Variants in JAM2 observed in about 807,000 individuals in gnomAD.
JAM2 encodes junctional adhesion molecule 2, also known as junctional adhesion molecule B.
In JAM2, 17 loss-of-function variants were observed where a neutral mutation model predicts 42.0. The observed-to-expected ratio is 0.40, with a 90% CI of 0.28 to 0.61. The LOEUF (loss-of-function observed/expected upper bound fraction) is 0.61. JAM2 is among the 20% of genes least tolerant of loss of function. The pLI, the probability that JAM2 is intolerant of heterozygous loss-of-function variation, is 0.37. For missense variants in JAM2, 319 were observed against 358.3 expected, an observed-to-expected ratio of 0.89 and a Z score of 0.89; for synonymous variants, 118 against 128.6, an observed-to-expected ratio of 0.92 and a Z score of 0.56.
intron 3 of JAM2, among the ~76,000 whole-genome samples, chr21:25,691,422 C>T (rs1341487211): frequency 1.3e-5 from 2 of 152,160 alleles, no homozygotes; most frequent in African/African-American, 4.8e-5. Flanking sequence ...TGAGATCTGG[C>T]CATGTTCCAA....
intron 1 of JAM2, among the ~76,000 whole-genome samples, chr21:25,643,247 G>C (rs560562253): frequency 6.6e-6 from 1 of 152,282 alleles, no homozygotes; most frequent in African/African-American, 2.4e-5. Flanking sequence ...TTTCTCTGAG[G>C]CATCATTTAA....
intron 1 of JAM2, among the ~76,000 whole-genome samples, chr21:25,681,720 C>T (rs904265586): frequency 1.1e-4 from 16 of 152,130 alleles, no homozygotes; most frequent in South Asian, 4.1e-4. Flanking sequence ...CAGTGGCTCA[C>T]GCCTGTAATC....
At chr21:25,709,406 T>G in intron 7 of JAM2, 28 bp from the exon 8 acceptor site, 1 of 1,242,358 alleles carries the variant, frequency 8.0e-7, no homozygotes, top group Non-Finnish European at 1.2e-6. Flanking sequence ...AACCCTTGCA[T>G]TAATGATATA....
chr21:25,697,738 C>G (rs577193630), intron 4 of JAM2, among the ~76,000 whole-genome samples: 1 of 151,896 alleles, frequency 6.6e-6, no homozygotes, highest in Non-Finnish European at 1.5e-5. Flanking sequence ...CCTGTCTATA[C>G]AAAAACAGTT....
chr21:25,714,747 T>A lies in JAM2; in HGVS notation c.*75T>A. On this transcript the variant is annotated 3_prime_UTR_variant, in exon 10 of 10. Transcript: ENST00000480456. The stretch of plus-strand genomic sequence containing the variant: ...TAAACTATTATAAAACTCTGCTTTG[T>A]CCGACATTTGCAAAGAGGTACACGA... 1.0e-6 allele frequency: 1 copy of A among 1,004,596 alleles called. No homozygotes were observed. Among genetic ancestry groups the A allele is most frequent in the Non-Finnish European group, 1.4e-6 (1 of 701,396 alleles). 62.2% of individuals were successfully genotyped at this position (1,004,596 alleles called of 1,614,324 possible).
At chr21:25,684,647 C>T (rs1203168582) in intron 2 of JAM2, among the ~76,000 whole-genome samples, 1 of 152,164 alleles carries the variant, frequency 6.6e-6, no homozygotes, top group Non-Finnish European at 1.5e-5. Context: ...CTGTCACCCA[C>T]ACTGGAGTGC....
intron 6 of JAM2, among the ~76,000 whole-genome samples, chr21:25,703,574 A>C (rs940786745): frequency 1.3e-5 from 2 of 152,186 alleles, no homozygotes; most frequent in African/African-American, 4.8e-5. Context: ...ACATGTAACC[A>C]AAATTAGAAT....
chr21:25,683,346 TA>T (rs1217634263), intron 1 of JAM2, among the ~76,000 whole-genome samples: 1 of 152,000 alleles, frequency 6.6e-6, no homozygotes, highest in African/African-American at 2.4e-5. Flanking sequence ...GGGAAAAAAA[TA>T]AAGATGTTCT....
rs779475127 is a variant in JAM2, at chr21:25,698,688, G to C, written c.406G>C (p.Val136Leu). The change falls in exon 5 of 10, where the codon GTT (valine) becomes CTT (leucine). Residue 136 changes from valine (V) to leucine (L), a missense_variant. By Grantham distance (32) the Val-to-Leu change is conservative. Coordinates refer to ENST00000480456, the MANE Select transcript of JAM2 (RefSeq NM_021219.4). The stretch of plus-strand genomic sequence containing the variant: ...CTTCCATTGTTCAGTGGCTCCAGCA[G>C]TTCCATCATGTGAAGTACCCTCTTC... ...VTLEVLVAPA[V>L]PSCEVPSSAL... 1 of 1,613,846 alleles carries C rather than the reference G, an allele frequency of 6.2e-7. No individual in the cohort carries two copies. Among genetic ancestry groups the C allele is most frequent in the Non-Finnish European group, 8.5e-7 (1 of 1,179,786 alleles).
At chr21:25,699,408 A>T (rs994189117) in intron 5 of JAM2, among the ~76,000 whole-genome samples, 1 of 152,190 alleles carries the variant, frequency 6.6e-6, no homozygotes, top group Non-Finnish European at 1.5e-5. Context: ...ACTACTGAGT[A>T]CTACCATGTG....
intron 2 of JAM2, among the ~76,000 whole-genome samples, chr21:25,686,785 C>T (rs2033761126): frequency 6.6e-6 from 1 of 152,064 alleles, no homozygotes; most frequent in South Asian, 2.1e-4. Flanking sequence ...TAACTTGAGC[C>T]CTGAGAATGA....
At chr21:25,673,197 G>A (rs928236269) in intron 1 of JAM2, among the ~76,000 whole-genome samples, 1 of 152,146 alleles carries the variant, frequency 6.6e-6, no homozygotes, top group African/African-American at 2.4e-5. Flanking sequence ...TTGAACATGT[G>A]CAGGACAATT....
Position 25,702,225 on chromosome 21 carries a change from A to T in JAM2, c.653A>T (p.Asn218Ile). 3 of 1,599,188 alleles carry T rather than the reference A, an allele frequency of 1.9e-6. No individual in the cohort carries two copies. Among genetic ancestry groups the T allele is most frequent in the Non-Finnish European group, 2.6e-6 (3 of 1,168,582 alleles). ...GGAGAATATTCCTGTGAAGCCCGCA[A>T]TTCTGTTGGATATCGCAGGTGTCCT... is the stretch of plus-strand genomic sequence containing the variant. The part of the protein sequence containing the change: ...DTGEYSCEAR[N>I]SVGYRRCPGK... The change falls in exon 6 of 10, where the codon AAT (asparagine) becomes ATT (isoleucine). Residue 218 changes from asparagine (N) to isoleucine (I), a missense_variant. By Grantham distance (149) the Asn-to-Ile change is moderately radical. Transcript: ENST00000480456.
At position 25,653,715 on chromosome 21, in the gene JAM2, G is replaced by A. The variant is rs78320200; in HGVS notation, c.67+13827G>A. Reference sequence around the variant, plus strand: ...TCTCGTCTCTCCCTTTACACGTGGGGATGATGGGGATTATGGGGATTACAA... The same window carrying A: ...TCTCGTCTCTCCCTTTACACGTGGGAATGATGGGGATTATGGGGATTACAA... On this transcript the variant is annotated intron_variant, in intron 1 of 9. Transcript: ENST00000480456. 7.0e-3 allele frequency among the ~76,000 whole-genome samples: 1,063 copies of A among 152,274 alleles called. 12 individuals carry two copies. Among genetic ancestry groups the A allele is most frequent in the African/African-American group, 0.024 (1,010 of 41,552 alleles).
In JAM2 at chr21:25,698,862, A is replaced by G; in HGVS notation, c.580A>G (p.Thr194Ala). 6.2e-7 allele frequency: 1 copy of G among 1,614,122 alleles called. No individual in the cohort carries two copies. Among genetic ancestry groups the G allele is most frequent in the Non-Finnish European group, 8.5e-7 (1 of 1,179,978 alleles). Residue 194 changes from threonine (T) to alanine (A), a missense_variant, in exon 5 of 10, where the codon ACA (threonine) becomes GCA (alanine). By Grantham distance (58) the Thr-to-Ala change is moderately conservative (BLOSUM62 0). Coordinates refer to ENST00000480456, the MANE Select transcript of JAM2 (RefSeq NM_021219.4). ...CACCAACAGCTCATACACAATGAAT[A>G]CAAAAACTGGAACTCTGGTAAGGTC... ...QSTNSSYTMN[T>A]KTGTLQFNTV...
intron 6 of JAM2, among the ~76,000 whole-genome samples, chr21:25,703,760 T>A (rs2034215012): frequency 1.7e-5 from 1 of 59,984 alleles, no homozygotes; most frequent in Non-Finnish European, 3.2e-5. Context: ...TTATAAAGAC[T>A]TTTTTTTCAA....
intron 1 of JAM2, among the ~76,000 whole-genome samples, chr21:25,672,647 T>A (rs533181892): frequency 6.6e-6 from 1 of 152,212 alleles, no homozygotes; most frequent in East Asian, 1.9e-4. Flanking sequence ...TCCTAATTTA[T>A]ATAGCTCTCA....
At chr21:25,641,242 ATT>A (rs2032432771) in intron 1 of JAM2, among the ~76,000 whole-genome samples, 1 of 152,246 alleles carries the variant, frequency 6.6e-6, no homozygotes, top group Non-Finnish European at 1.5e-5. Context: ...AAAGTTATGT[ATT>A]CTGCTGAAAT....
chr21:25,667,122 A>G (rs2033243468), intron 1 of JAM2, among the ~76,000 whole-genome samples: 1 of 152,222 alleles, frequency 6.6e-6, no homozygotes, highest in Non-Finnish European at 1.5e-5. Context: ...GTGGCCAACC[A>G]CAGTCGAAAA....
Sources: gnomAD v4.1 joint callset for allele counts (sites outside exome capture counted in the v4.1 genomes callset) on GRCh38, gnomAD v4.1.1 for gene constraint, MANE v1.5 for transcripts, NCBI Gene and HGNC (gene_info 2026-07-23, HGNC 2026-07-21) for gene names.